The following PSMC2 variants were observed in gnomAD, a reference collection of about 807,000 sequenced individuals.
PSMC2 encodes the protein proteasome 26S subunit, ATPase 2, also known as 26S proteasome regulatory subunit 7.
PSMC2 carries 7 observed loss-of-function variants against 53.3 expected under a neutral mutation model. The ratio of observed to expected loss-of-function variants is 0.13; its 90% CI spans 0.07 to 0.25. The LOEUF (loss-of-function observed/expected upper bound fraction) is 0.25. Ranked by LOEUF, PSMC2 falls within the 10% of genes least tolerant of loss-of-function variation. The probability of loss-of-function intolerance (pLI) is 1.00; values close to 1 mark genes in which losing one functional copy is unlikely to be tolerated. For synonymous variants in PSMC2, 169 were observed against 183.9 expected (o/e 0.92, Z 0.66); for missense variants, 241 against 544.0 (o/e 0.44, Z 5.54).
chr7:103,358,028 C>T (rs1229228618), intron 4 of PSMC2, among the ~76,000 whole-genome samples: 1 of 152,156 alleles, frequency 6.6e-6, no homozygotes, highest in African/African-American at 2.4e-5. Flanking sequence ...TGGAGATTGC[C>T]CTTTACCTCT....
At chr7:103,362,789 T>A in intron 6 of PSMC2, 31 bp downstream of exon 6, 25 of 1,274,798 alleles carry the variant, frequency 2.0e-5, no homozygotes, top group Non-Finnish European at 2.7e-5. Context: ...AAAGGAAGGC[T>A]ATGTCTTTTT....
At chr7:103,353,272 G>A (rs1379787441) in intron 1 of PSMC2, among the ~76,000 whole-genome samples, 1 of 151,950 alleles carries the variant, frequency 6.6e-6, no homozygotes, top group Non-Finnish European at 1.5e-5. Flanking sequence ...CTATGTCTAT[G>A]TTCTGTTATC....
chr7:103,349,729 C>T (rs763067021), intron 1 of PSMC2, among the ~76,000 whole-genome samples: 8 of 152,172 alleles, frequency 5.3e-5, no homozygotes, highest in African/African-American at 7.2e-5. Context: ...GGATTACAGG[C>T]GTGAGCCACC....
intron 8 of PSMC2, among the ~76,000 whole-genome samples, 163 bp downstream of exon 8, chr7:103,364,470 A>G (rs1278429346): frequency 1.3e-5 from 2 of 152,126 alleles, no homozygotes; most frequent in Non-Finnish European, 2.9e-5. Context: ...GTGCAGTGAC[A>G]TGATCTCAGC....
intron 6 of PSMC2, among the ~76,000 whole-genome samples, chr7:103,363,014 G>A (rs530597545): frequency 1.3e-5 from 2 of 152,024 alleles, no homozygotes; most frequent in South Asian, 4.2e-4. Flanking sequence ...GACTGGTTTC[G>A]AACTCATGAC....
intron 1 of PSMC2, among the ~76,000 whole-genome samples, chr7:103,353,399 T>G (rs1795122515): frequency 6.6e-6 from 1 of 152,142 alleles, no homozygotes; most frequent in Admixed American, 6.5e-5. Flanking sequence ...CTCCGCCTCC[T>G]GGGTTCAAGC....
Position 103,361,938 on chromosome 7 carries a change from A to C in PSMC2, c.291-19A>C. ...GTGGCTTAGGTTCCTTATTCTAATC[A>C]AGCTTTTTGCTGTGTTAGGTGTACA... On this transcript the variant is annotated intron_variant, in intron 4 of 11. Transcript: ENST00000292644. 6.3e-7 allele frequency: 1 copy of C among 1,592,328 alleles called. No individual in the cohort carries two copies. The highest frequency in any genetic ancestry group is 8.5e-7 in the Non-Finnish European group (1 of 1,173,546).
At chr7:103,347,952 C>T (rs1325755032) in intron 1 of PSMC2, among the ~76,000 whole-genome samples, 171 bp downstream of exon 1, 3 of 152,170 alleles carry the variant, frequency 2.0e-5, no homozygotes, top group Non-Finnish European at 4.4e-5. Flanking sequence ...TCTCAGTCTC[C>T]CTCATCCACT....
At chr7:103,352,924 A>C (rs1214514573) in intron 1 of PSMC2, 6 of 780,812 alleles carry the variant, frequency 7.7e-6, no homozygotes, top group Non-Finnish European at 1.4e-5. Context: ...CTCTGTATGA[A>C]AGCTGAAACA....
At chr7:103,348,739 G>C (rs1044262841) in intron 1 of PSMC2, 30 of 1,430,468 alleles carry the variant, frequency 2.1e-5, no homozygotes, top group Middle Eastern at 4.9e-4. Flanking sequence ...TTGTCAGTAT[G>C]GGAAGGATAT....
chr7:103,352,159 C>T (rs1359655260), intron 1 of PSMC2, among the ~76,000 whole-genome samples: 1 of 127,146 alleles, frequency 7.9e-6, no homozygotes. Context: ...TTCAGCTTAC[C>T]TGGTCTAGCT....
In PSMC2 at chr7:103,352,915, T is replaced by G. The variant is rs752064401; in HGVS notation, c.71-1006T>G. 19 of 780,878 alleles carry G rather than the reference T, an allele frequency of 2.4e-5. 1 individual carries two copies. Among genetic ancestry groups the G allele is most frequent in the South Asian group, 2.4e-4 (18 of 74,624 alleles). 48.4% of individuals were successfully genotyped at this position (780,878 alleles called of 1,614,324 possible). On this transcript the variant is annotated intron_variant, in intron 1 of 11. Coordinates refer to ENST00000292644, the MANE Select transcript of PSMC2 (RefSeq NM_002803.4). ...CTACGGTCTCCATCTTCTGGTCATC[T>G]CTGTATGAAAGCTGAAACAAGAGGG... is the stretch of plus-strand genomic sequence containing the variant.
At chr7:103,360,863 G>C (rs1397815882) in intron 4 of PSMC2, among the ~76,000 whole-genome samples, 3 of 152,178 alleles carry the variant, frequency 2.0e-5, no homozygotes, top group Non-Finnish European at 4.4e-5. Context: ...TGTAATCCCA[G>C]CACTTTGGGA....
In PSMC2 at chr7:103,347,708, T is replaced by C. The variant is rs1819633676; in HGVS notation, c.-4T>C. The stretch of plus-strand genomic sequence containing the variant: ...AAGGAGCGGAGGCTTTTGGAGCTGC[T>C]AAAATGCCGGATTACCTCGGTGCCG... On this transcript the variant is annotated 5_prime_UTR_variant, in exon 1 of 12. Coordinates refer to ENST00000292644, the MANE Select transcript of PSMC2 (RefSeq NM_002803.4). The C allele has an allele frequency of 6.2e-7, 1 of 1,613,776 alleles. No individual in the cohort carries two copies. The highest frequency in any genetic ancestry group is 8.5e-7 in the Non-Finnish European group (1 of 1,179,886).
At position 103,367,134 on chromosome 7, in the gene PSMC2, A is replaced by G. The variant is rs531170054; in HGVS notation, c.845-279A>G. On this transcript the variant is annotated intron_variant, in intron 9 of 11. Transcript: ENST00000292644. This position sits in a 1 kb window ranked among gnomAD's most constrained non-coding sequence, Gnocchi z 6.1. ...CTTCATGAGTTTTTGAGAGGTCCAA[A>G]TTAAGTAATAAATGTGGTAGACTTT... Among the ~76,000 whole-genome samples the G allele has an allele frequency of 2.0e-5, 3 of 152,348 alleles. No individual in the cohort carries two copies. Among genetic ancestry groups the G allele is most frequent in the East Asian group, 3.9e-4 (2 of 5,192 alleles).
intron 4 of PSMC2, among the ~76,000 whole-genome samples, chr7:103,360,902 G>C (rs746561680): frequency 1.3e-5 from 2 of 151,784 alleles, no homozygotes; most frequent in African/African-American, 2.4e-5. Context: ...ACTTGAGGTC[G>C]GGAGTTTGAA....
rs1339164913 is a variant in PSMC2 at position 103,369,236 on chromosome 7, A to G, written c.*1182A>G. 6.6e-6 allele frequency: 1 copy of G among 152,248 alleles called. No homozygotes were observed. The highest frequency in any genetic ancestry group is 1.5e-5 in the Non-Finnish European group (1 of 68,036). The allele number at this position is 152,248 out of a possible 1,614,324, so 9.4% of individuals were successfully genotyped here. On this transcript the variant is annotated 3_prime_UTR_variant, in exon 12 of 12. Coordinates refer to ENST00000292644, the MANE Select transcript of PSMC2 (RefSeq NM_002803.4). ...TTTTCATTTTTATGAACTTGATCAG[A>G]AAAATTCATCTTTTTTAACCCTGCC... is the stretch of plus-strand genomic sequence containing the variant.
rs1463983129 is a variant in PSMC2 at position 103,368,819 on chromosome 7, G to C, written c.*765G>C. The C allele has an allele frequency of 6.6e-6, 1 of 152,152 alleles. No homozygotes were observed. Among genetic ancestry groups the C allele is most frequent in the African/African-American group, 2.4e-5 (1 of 41,444 alleles). The allele number at this position is 152,152 out of a possible 1,614,324, so 9.4% of individuals were successfully genotyped here. A position where few individuals can be genotyped will look rare whatever the true frequency, so the allele number is the denominator to read the frequency against. On this transcript the variant is annotated 3_prime_UTR_variant, in exon 12 of 12. Transcript: ENST00000292644. ...TCCAGAATTGGCTTCATACAGAAAAGTGATTACTTTCATTTTACAAATTAC... is the reference window on the plus strand; with the variant it reads ...TCCAGAATTGGCTTCATACAGAAAACTGATTACTTTCATTTTACAAATTAC...
chr7:103,361,901 AATTC>A, intron 4 of PSMC2, 52 bp from the exon 5 acceptor site: 1 of 1,523,746 alleles, frequency 6.6e-7, no homozygotes, highest in Non-Finnish European at 8.9e-7. Context: ...TAGTTAGTTG[AATTC>A]ATTATTAGTG....
Sources: allele counts gnomAD v4.1 joint callset (sites outside exome capture counted in the v4.1 genomes callset), GRCh38; gene constraint gnomAD v4.1.1; non-coding constraint Gnocchi (gnomAD v3.1); transcripts MANE v1.5; gene names NCBI Gene and HGNC (gene_info 2026-07-23, HGNC 2026-07-21).